DRC2: variants seen among roughly 807,000 people sequenced by gnomAD.
DRC2 encodes the protein dynein regulatory complex subunit 2, also known as coiled-coil domain containing 65.
At chr12:48,916,406 C>T in the DRC2 span, among the ~76,000 whole-genome samples, 16 of 152,182 alleles carry the variant, frequency 1.1e-4, no homozygotes, top group Admixed American at 3.3e-4. Context: ...GAGACCAGCC[C>T]GGCCAACACA....
At chr12:48,914,488 G>C in the DRC2 span, 1 of 1,614,198 alleles carries the variant, frequency 6.2e-7, no homozygotes, top group Non-Finnish European at 8.5e-7. Context: ...CCAGCTCTTG[G>C]CCCTGCAGAG....
the DRC2 span, chr12:48,904,482 G>T: frequency 6.2e-7 from 1 of 1,613,256 alleles, no homozygotes; most frequent in Non-Finnish European, 8.5e-7. Context: ...ATGGCCTTTT[G>T]CATTATGTCC....
chr12:48,917,044 A>G, the DRC2 span: 59 of 1,614,082 alleles, frequency 3.7e-5, no homozygotes, highest in Non-Finnish European at 4.8e-5. Flanking sequence ...GAGCAGAACT[A>G]TATAGATTCT....
chr12:48,915,902 C>T, the DRC2 span, among the ~76,000 whole-genome samples: 24 of 141,696 alleles, frequency 1.7e-4, no homozygotes, highest in East Asian at 4.5e-3. Context: ...TGGGCAGAGA[C>T]GCTCCTCACC....
the DRC2 span, chr12:48,914,597 G>A: frequency 4.3e-6 from 7 of 1,610,126 alleles, no homozygotes; most frequent in Non-Finnish European, 5.9e-6. Flanking sequence ...AGAGAAGATG[G>A]GGAATTGAAT....
the DRC2 span, chr12:48,918,453 A>C: frequency 6.2e-7 from 1 of 1,614,132 alleles, no homozygotes; most frequent in Non-Finnish European, 8.5e-7. Flanking sequence ...GTACAGATGA[A>C]AAAAATACAG....
the DRC2 span, chr12:48,917,203 CACCTTGGTAGGCCAAGGCAGGAGG>C: frequency 6.9e-7 from 1 of 1,455,870 alleles, no homozygotes; most frequent in East Asian, 2.4e-5. Context: ...GTAATCCCAG[CACCTTGGTAGGCCAAGGCAGGAGG>C]ATCACTTGAG....
chr12:48,920,859 G>C, the DRC2 span: 2 of 1,464,418 alleles, frequency 1.4e-6, no homozygotes, highest in Non-Finnish European at 1.8e-6. Context: ...GGTTCAAACA[G>C]GGGAACCAAC....
At chr12:48,918,983 G>C in the DRC2 span, 1 of 1,138,030 alleles carries the variant, frequency 8.8e-7, no homozygotes, top group African/African-American at 1.5e-5. Context: ...GGAAAGGATA[G>C]CGGGGGCTTC....
chr12:48,915,348 C>G, the DRC2 span, among the ~76,000 whole-genome samples: 1 of 145,482 alleles, frequency 6.9e-6, no homozygotes, highest in Non-Finnish European at 1.5e-5. Flanking sequence ...ATCTGTTTAA[C>G]AAAGCACATC....
At chr12:48,916,149 C>G in the DRC2 span, among the ~76,000 whole-genome samples, 23 of 150,664 alleles carry the variant, frequency 1.5e-4, no homozygotes, top group African/African-American at 5.3e-4. Flanking sequence ...CCTCACATCC[C>G]AGACGATGGG....
At chr12:48,913,125 C>T in the DRC2 span, among the ~76,000 whole-genome samples, 1 of 107,432 alleles carries the variant, frequency 9.3e-6, no homozygotes, top group African/African-American at 3.6e-5. Context: ...CAGAGCAAGA[C>T]TCCGTCTCAA....
chr12:48,904,463 T>G, the DRC2 span: 1 of 1,613,860 alleles, frequency 6.2e-7, no homozygotes, highest in Non-Finnish European at 8.5e-7. Flanking sequence ...CAGCCAGTTC[T>G]TGAAGGTGAT....
the DRC2 span, among the ~76,000 whole-genome samples, chr12:48,908,266 T>TG: frequency 2.0e-5 from 3 of 152,164 alleles, no homozygotes; most frequent in Non-Finnish European, 4.4e-5. Context: ...TTGCCCATGC[T>TG]GGTCTTGAAC....
chr12:48,916,974 A>T, the DRC2 span: 15 of 1,613,842 alleles, frequency 9.3e-6, no homozygotes, highest in Non-Finnish European at 1.3e-5. Flanking sequence ...CTACAGGAAG[A>T]CAATTATTGA....
the DRC2 span, among the ~76,000 whole-genome samples, chr12:48,917,884 ACCC>A: frequency 6.6e-6 from 1 of 152,108 alleles, no homozygotes; most frequent in Admixed American, 6.6e-5. Context: ...GTTTTTATTT[ACCC>A]CACAGTGTTT....
the DRC2 span, among the ~76,000 whole-genome samples, chr12:48,912,100 AAT>A: frequency 3.9e-5 from 6 of 152,014 alleles, no homozygotes; most frequent in Non-Finnish European, 7.4e-5. Flanking sequence ...TCTACTAAAA[AAT>A]ATAAAAAATT....
the DRC2 span, among the ~76,000 whole-genome samples, chr12:48,909,931 C>T: frequency 1.2e-4 from 19 of 152,056 alleles, no homozygotes; most frequent in Admixed American, 1.2e-3. Context: ...CAGGTGTGCG[C>T]CACCATGCTG....
At chr12:48,914,674 TC>T in the DRC2 span, 16 of 1,081,370 alleles carry the variant, frequency 1.5e-5, no homozygotes, top group Non-Finnish European at 2.0e-5. Flanking sequence ...TCTTGGAGCA[TC>T]CCACATTGAT....
Sources: allele counts gnomAD v4.1 joint callset (sites outside exome capture counted in the v4.1 genomes callset), GRCh38; gene constraint gnomAD v4.1.1; transcripts MANE v1.5; gene names NCBI Gene and HGNC (gene_info 2026-07-23, HGNC 2026-07-21).